The following NRP1 variants were observed in gnomAD, a reference collection of about 807,000 sequenced individuals.
The protein encoded by NRP1 is neuropilin 1.
Under a neutral mutation model 106.7 loss-of-function variants are expected in NRP1, and 35 were observed. That is an observed-to-expected ratio of 0.33 (90% CI 0.25 to 0.43). NRP1 has a LOEUF of 0.43. Ranked by LOEUF, NRP1 falls within the 20% of genes least tolerant of loss-of-function variation. NRP1 has a pLI of 1.00. For synonymous variants in NRP1, 437 were observed against 417.9 expected, an observed-to-expected ratio of 1.05 and a Z score of -0.56; for missense variants, 1,024 against 1,170.4, an observed-to-expected ratio of 0.87 and a Z score of 1.83.
intron 2 of NRP1, among the ~76,000 whole-genome samples, chr10:33,286,467 T>C (rs539914762): frequency 6.6e-6 from 1 of 151,908 alleles, no homozygotes; most frequent in African/African-American, 2.4e-5. Flanking sequence ...AGAGGTAGAG[T>C]CTTGTGATGA....
chr10:33,290,715 G>A (rs978021860), intron 2 of NRP1, among the ~76,000 whole-genome samples: 10 of 151,986 alleles, frequency 6.6e-5, no homozygotes, highest in African/African-American at 2.2e-4. Context: ...AATTACCTCC[G>A]ATTATTACAT....
chr10:33,202,465 AT>A, intron 11 of NRP1: 1 of 736,112 alleles, frequency 1.4e-6, no homozygotes, highest in Admixed American at 3.5e-5. Flanking sequence ...AACTTTATCC[AT>A]TTGTTGGATA....
intron 3 of NRP1, among the ~76,000 whole-genome samples, chr10:33,267,170 G>A (rs577132012): frequency 1.7e-4 from 26 of 152,324 alleles, no homozygotes; most frequent in Non-Finnish European, 3.1e-4. Flanking sequence ...CCCAGAAGCT[G>A]AGCAGGTGTG....
chr10:33,301,827 A>G (rs966713927), intron 2 of NRP1, among the ~76,000 whole-genome samples: 1 of 152,216 alleles, frequency 6.6e-6, no homozygotes, highest in Non-Finnish European at 1.5e-5. Context: ...GTTCACAAAC[A>G]TCTGTGTCAT....
intron 2 of NRP1, among the ~76,000 whole-genome samples, chr10:33,288,875 A>G (rs1420805788): frequency 1.3e-5 from 2 of 151,968 alleles, no homozygotes; most frequent in African/African-American, 4.8e-5. Flanking sequence ...TTGCACTACA[A>G]CTGTTTTTAG....
intron 2 of NRP1, among the ~76,000 whole-genome samples, chr10:33,305,250 G>A (rs1312843557): frequency 1.3e-5 from 2 of 152,160 alleles, no homozygotes; most frequent in Non-Finnish European, 2.9e-5. Context: ...CACCTTTCAA[G>A]TCAAAATAGC....
At chr10:33,276,394 G>C (rs963467354) in intron 2 of NRP1, among the ~76,000 whole-genome samples, 1 of 152,140 alleles carries the variant, frequency 6.6e-6, no homozygotes, top group Non-Finnish European at 1.5e-5. Context: ...GAAAGTTAAA[G>C]TGAATTGGAT....
chr10:33,264,131 C>T (rs1390844056), intron 3 of NRP1, among the ~76,000 whole-genome samples: 1 of 152,096 alleles, frequency 6.6e-6, no homozygotes, highest in Non-Finnish European at 1.5e-5. Flanking sequence ...AAAAATATGA[C>T]AAATATAAAA....
Position 33,185,636 on chromosome 10 carries a change from T to A in NRP1, c.2423A>T (p.Asp808Val). The part of the protein sequence containing the change: ...ISINNHISQE[D>V]CAKPADLDKK... Reference sequence around the variant, plus strand: ...CAGCAGCTCATACTTACTTGCACAATCTTCTTGTGAAATGTGGTTATTAAT... The same window carrying A: ...CAGCAGCTCATACTTACTTGCACAAACTTCTTGTGAAATGTGGTTATTAAT... The change falls in exon 15 of 17, where the codon GAT (aspartate) becomes GTT (valine). Residue 808 changes from aspartate to valine, a missense_variant. This residue lies in a region of NRP1 where 164 missense variants were observed against 161.4 expected (regional missense o/e 1.02). Transcript: ENST00000374867. 6.2e-7 allele frequency: 1 copy of A among 1,612,744 alleles called. No homozygotes were observed. The highest frequency in any genetic ancestry group is 8.5e-7 in the Non-Finnish European group (1 of 1,178,694).
At chr10:33,288,412 G>T in intron 2 of NRP1, 1 of 152,294 alleles carries the variant, frequency 6.6e-6, no homozygotes. Flanking sequence ...TTTCCAACCT[G>T]GGCTGGTTCA....
At chr10:33,212,608 A>T (rs922933118) in intron 9 of NRP1, 1 of 152,516 alleles carries the variant, frequency 6.6e-6, no homozygotes, top group African/African-American at 2.4e-5. Flanking sequence ...CATACTTAAC[A>T]CTGTTGAACT....
intron 3 of NRP1, among the ~76,000 whole-genome samples, chr10:33,270,183 C>A (rs923835432): frequency 6.6e-6 from 1 of 151,992 alleles, no homozygotes; most frequent in Non-Finnish European, 1.5e-5. Context: ...AAATACACTT[C>A]CTCCATACAA....
At chr10:33,282,403 G>A (rs1292214470) in intron 2 of NRP1, among the ~76,000 whole-genome samples, 2 of 152,126 alleles carry the variant, frequency 1.3e-5, no homozygotes, top group Non-Finnish European at 2.9e-5. Flanking sequence ...TATATTATAG[G>A]ACCTAATGTG....
At chr10:33,240,133 G>T (rs1184169081) in intron 6 of NRP1, among the ~76,000 whole-genome samples, 6 of 152,276 alleles carry the variant, frequency 3.9e-5, no homozygotes, top group African/African-American at 1.4e-4. Context: ...AAGAAGTCTT[G>T]GAGGTGGCTG....
intron 11 of NRP1, among the ~76,000 whole-genome samples, chr10:33,199,630 T>G (rs1837118769): frequency 1.3e-5 from 2 of 151,548 alleles, no homozygotes. Context: ...ACGTAGGTGG[T>G]TGAGAAAGCT....
At chr10:33,250,891 A>T (rs1841807433) in intron 6 of NRP1, among the ~76,000 whole-genome samples, 1 of 152,176 alleles carries the variant, frequency 6.6e-6, no homozygotes, top group South Asian at 2.1e-4. Flanking sequence ...GTGGGGCCAC[A>T]GCTTCCTGTT....
At chr10:33,304,251 T>G (rs541457464) in intron 2 of NRP1, among the ~76,000 whole-genome samples, 29 of 152,358 alleles carry the variant, frequency 1.9e-4, no homozygotes, top group Middle Eastern at 3.4e-3. Flanking sequence ...CTTCTTTCAC[T>G]GATTGACTTT....
chr10:33,289,079 A>C (rs1844793662), intron 2 of NRP1, among the ~76,000 whole-genome samples: 1 of 152,198 alleles, frequency 6.6e-6, no homozygotes, highest in Non-Finnish European at 1.5e-5. Context: ...TAGTCAAACT[A>C]TTTTATATTC....
intron 9 of NRP1, chr10:33,211,815 T>C (rs1838323516): frequency 6.6e-6 from 1 of 152,262 alleles, no homozygotes; most frequent in Non-Finnish European, 1.5e-5. Context: ...AGCTAAAATC[T>C]GTTTTTCACA....
Sources: allele counts gnomAD v4.1 joint callset (sites outside exome capture counted in the v4.1 genomes callset), GRCh38; gene constraint gnomAD v4.1.1; regional missense constraint gnomAD v4.1.1; transcripts MANE v1.5; gene names NCBI Gene and HGNC (gene_info 2026-07-23, HGNC 2026-07-21).